TCF12: variants seen among roughly 807,000 people sequenced by gnomAD.
The protein encoded by TCF12 is DNA-binding protein HTF4.
Under a neutral mutation model 86.0 loss-of-function variants are expected in TCF12, and 45 were observed. That is an observed-to-expected ratio of 0.52 (90% CI 0.41 to 0.67). TCF12 has a LOEUF of 0.67. Among genes scored for constraint, TCF12 ranks in the 30% least tolerant of loss-of-function variants. TCF12 has a pLI of 0.00. For synonymous variants in TCF12, 330 were observed against 299.6 expected (o/e 1.10, Z -1.05); for missense variants, 881 against 859.9 (o/e 1.02, Z -0.31).
intron 3 of TCF12, among the ~76,000 whole-genome samples, chr15:56,958,670 AGAGAGAGAGT>A (rs1319794729): frequency 1.5e-5 from 1 of 68,668 alleles, no homozygotes; most frequent in African/African-American, 4.8e-5. Context: ...AAAGAGAGAG[AGAGAGAGAGT>A]GTGTGTGTGT....
Position 57,286,889 on chromosome 15 carries a change from G to C in TCF12, c.*744G>C. 1 of 321,136 alleles carries C rather than the reference G, an allele frequency of 3.1e-6. No homozygotes were observed. The highest frequency in any genetic ancestry group is 2.6e-5 in the South Asian group (1 of 38,214). The allele number at this position is 321,136 out of a possible 1,614,324, so 19.9% of individuals were successfully genotyped here. ...AGTCCAGCCTCCTCCGTGCAGCCCT[G>C]TGTGCTTTGCACATTTACCTTACAG... On this transcript the variant is annotated 3_prime_UTR_variant, in exon 21 of 21. Coordinates refer to ENST00000333725, the MANE Select transcript of TCF12 (RefSeq NM_207037.2).
At chr15:57,030,101 G>A (rs1281013592) in intron 3 of TCF12, among the ~76,000 whole-genome samples, 1 of 152,018 alleles carries the variant, frequency 6.6e-6, no homozygotes, top group Non-Finnish European at 1.5e-5. Context: ...TCTCACCTGG[G>A]AATAAGATTA....
At chr15:57,260,299 T>C (rs2060530992) in intron 16 of TCF12, among the ~76,000 whole-genome samples, 1 of 152,142 alleles carries the variant, frequency 6.6e-6, no homozygotes, top group South Asian at 2.1e-4. Context: ...TTTAAAAAAA[T>C]CAAATAATTA....
At chr15:56,990,340 G>A (rs2063389873) in intron 3 of TCF12, among the ~76,000 whole-genome samples, 1 of 151,822 alleles carries the variant, frequency 6.6e-6, no homozygotes, top group African/African-American at 2.4e-5. Flanking sequence ...CTTCAAAACT[G>A]TATCCCTAAC....
At chr15:57,002,839 A>G (rs1212831738) in intron 3 of TCF12, among the ~76,000 whole-genome samples, 1 of 152,206 alleles carries the variant, frequency 6.6e-6, no homozygotes, top group African/African-American at 2.4e-5. Flanking sequence ...ATTGATTCAG[A>G]TGAATCCTTT....
chr15:57,230,791 T>C (rs1405095311), intron 8 of TCF12, among the ~76,000 whole-genome samples: 1 of 152,072 alleles, frequency 6.6e-6, no homozygotes, highest in Non-Finnish European at 1.5e-5. Context: ...TTATGCTATA[T>C]TGAAAGGACA....
intron 4 of TCF12, among the ~76,000 whole-genome samples, chr15:57,081,276 G>A (rs1469364595): frequency 3.3e-5 from 5 of 152,022 alleles, no homozygotes; most frequent in Admixed American, 6.6e-5. Flanking sequence ...TAGTTCTATC[G>A]GGGAGCAGTT....
chr15:57,178,864 C>G lies in TCF12; in HGVS notation c.390+12398C>G, dbSNP rs1456032353. Among the ~76,000 whole-genome samples the G allele has an allele frequency of 2.0e-5, 3 of 152,170 alleles. 1 individual carries two copies. Among genetic ancestry groups the G allele is most frequent in the South Asian group, 4.1e-4 (2 of 4,824 alleles). ...TATACATTCCTAAAGGAAAGTCATT[C>G]TTATTCCATATTTGTAATTATTCAA... On this transcript the variant is annotated intron_variant, in intron 6 of 20. Coordinates refer to ENST00000333725, the MANE Select transcript of TCF12 (RefSeq NM_207037.2).
At chr15:57,049,204 G>GT (rs2067445808) in intron 3 of TCF12, among the ~76,000 whole-genome samples, 1 of 152,186 alleles carries the variant, frequency 6.6e-6, no homozygotes, top group South Asian at 2.1e-4. Context: ...TGAGGCATTT[G>GT]TTGCTATGTA....
At chr15:57,274,411 C>T (rs138737165) in intron 19 of TCF12, among the ~76,000 whole-genome samples, 73 of 152,294 alleles carry the variant, frequency 4.8e-4, no homozygotes, top group African/African-American at 1.6e-3. Context: ...GATACTTGCT[C>T]CTCTTCTCCC....
intron 13 of TCF12, among the ~76,000 whole-genome samples, chr15:57,245,610 A>G (rs773485417): frequency 6.6e-5 from 10 of 152,224 alleles, no homozygotes; most frequent in Non-Finnish European, 1.5e-4. Context: ...GGCAGAGCTC[A>G]GCATCTATGA....
chr15:57,087,758 C>G (rs981461405), intron 4 of TCF12, among the ~76,000 whole-genome samples: 19 of 152,076 alleles, frequency 1.2e-4, no homozygotes, highest in Admixed American at 1.3e-4. Flanking sequence ...GAGTGCTTTC[C>G]ATTTTTATAA....
chr15:57,151,221 T>A (rs2053735794), intron 5 of TCF12, among the ~76,000 whole-genome samples: 1 of 150,662 alleles, frequency 6.6e-6, no homozygotes, highest in East Asian at 2.0e-4. Flanking sequence ...CCTCAAGCCA[T>A]TCTCCTGCCT....
At chr15:56,977,941 T>G (rs1357130975) in intron 3 of TCF12, among the ~76,000 whole-genome samples, 1 of 152,142 alleles carries the variant, frequency 6.6e-6, no homozygotes, top group Non-Finnish European at 1.5e-5. Context: ...TCTAACAGGT[T>G]CATATGATCT....
chr15:57,059,783 A>G (rs1596334932), intron 3 of TCF12, among the ~76,000 whole-genome samples: 1 of 143,270 alleles, frequency 7.0e-6, no homozygotes, highest in Non-Finnish European at 1.5e-5. Context: ...CTTAGGGCAT[A>G]GAAAAGCATC....
chr15:56,948,236 C>G (rs893432000), intron 3 of TCF12, among the ~76,000 whole-genome samples: 14 of 152,142 alleles, frequency 9.2e-5, no homozygotes, highest in African/African-American at 3.1e-4. Flanking sequence ...ATCCTCCCAC[C>G]TCAGCCTCCT....
In TCF12 at chr15:57,262,223, G is replaced by A; in HGVS notation, c.1582+15G>A. 1.3e-6 allele frequency: 2 copies of A among 1,541,962 alleles called. No homozygotes were observed. ...AAATTATAGAGGTAACTATATTGTT[G>A]GTTTTCAGAAATAATGCAGACAGAG... On this transcript the variant is annotated intron_variant, in intron 17 of 20. Transcript: ENST00000333725.
intron 3 of TCF12, among the ~76,000 whole-genome samples, chr15:57,050,743 A>G (rs1029820314): frequency 1.6e-4 from 24 of 152,100 alleles, no homozygotes; most frequent in African/African-American, 5.8e-4. Flanking sequence ...ATAATTTTAT[A>G]TTGATGTGTG....
chr15:57,060,573 A>G (rs2068388269), intron 3 of TCF12, among the ~76,000 whole-genome samples: 1 of 152,228 alleles, frequency 6.6e-6, no homozygotes, highest in African/African-American at 2.4e-5. Flanking sequence ...TACATCTGCC[A>G]TTTTGGTTTA....
Sources: allele counts gnomAD v4.1 joint callset (sites outside exome capture counted in the v4.1 genomes callset), GRCh38; gene constraint gnomAD v4.1.1; transcripts MANE v1.5; gene names NCBI Gene and HGNC (gene_info 2026-07-23, HGNC 2026-07-21).